GCNT2: variants seen among roughly 807,000 people sequenced by gnomAD.
GCNT2 encodes glucosaminyl (N-acetyl) transferase 2 (I blood group), also known as N-acetyllactosaminide beta-1,6-N-acetylglucosaminyl-transferase.
Under a neutral mutation model 34.2 loss-of-function variants are expected in GCNT2, and 34 were observed. That is an observed-to-expected ratio of 1.00 (90% CI 0.76 to 1.32). GCNT2 has a LOEUF of 1.32. GCNT2 is among the 40% of genes most tolerant of loss of function. GCNT2 has a pLI of 0.00. For missense variants in GCNT2, 584 were observed against 489.4 expected (o/e 1.19, Z -1.82); for synonymous variants, 212 against 188.0 (o/e 1.13, Z -1.04).
At chr6:10,573,364 C>T (rs2127398917) in intron 3 of GCNT2, 5 of 349,764 alleles carry the variant, frequency 1.4e-5, no homozygotes, top group Non-Finnish European at 1.8e-5. Context: ...TTGTTGTTAT[C>T]TTTGCTTGGG....
At chr6:10,587,679 G>T (rs1764419080) in intron 3 of GCNT2, among the ~76,000 whole-genome samples, 1 of 152,198 alleles carries the variant, frequency 6.6e-6, no homozygotes, top group Non-Finnish European at 1.5e-5. Flanking sequence ...TCCAAGGTAT[G>T]CCAGGCAGCT....
chr6:10,618,348 G>T (rs1765884637), intron 3 of GCNT2, among the ~76,000 whole-genome samples: 1 of 152,192 alleles, frequency 6.6e-6, no homozygotes, highest in African/African-American at 2.4e-5. Flanking sequence ...CACGAGGTTA[G>T]TAGGTGTTAT....
chr6:10,584,787 AGGTT>A (rs1455486594), intron 3 of GCNT2, among the ~76,000 whole-genome samples: 3 of 152,308 alleles, frequency 2.0e-5, no homozygotes, highest in South Asian at 2.1e-4. Context: ...TGTGAGCACA[AGGTT>A]GGGACAAAAG....
At chr6:10,537,890 A>G (rs1333071510) in intron 3 of GCNT2, among the ~76,000 whole-genome samples, 3 of 151,908 alleles carry the variant, frequency 2.0e-5, no homozygotes, top group Non-Finnish European at 2.9e-5. Flanking sequence ...AGTGGTGTCT[A>G]TGTCATGTGA....
At chr6:10,612,260 T>G (rs1765591519) in intron 3 of GCNT2, among the ~76,000 whole-genome samples, 1 of 152,224 alleles carries the variant, frequency 6.6e-6, no homozygotes, top group African/African-American at 2.4e-5. Context: ...GTGCTGAGAT[T>G]ACAGGCGTGA....
At chr6:10,579,018 A>T (rs1312707576) in intron 3 of GCNT2, among the ~76,000 whole-genome samples, 1 of 152,166 alleles carries the variant, frequency 6.6e-6, no homozygotes, top group African/African-American at 2.4e-5. Context: ...AAACTATAGG[A>T]ATTCACCACA....
intron 3 of GCNT2, among the ~76,000 whole-genome samples, chr6:10,565,112 G>A (rs1343477266): frequency 6.6e-6 from 1 of 152,208 alleles, no homozygotes; most frequent in African/African-American, 2.4e-5. Context: ...GGATCGCAAA[G>A]GTCGTGGGTG....
intron 3 of GCNT2, among the ~76,000 whole-genome samples, chr6:10,562,984 C>T (rs1248411926): frequency 1.3e-5 from 2 of 152,062 alleles, no homozygotes; most frequent in East Asian, 1.9e-4. Context: ...CATGGTGAAA[C>T]CCTACCTCTA....
At chr6:10,597,753 C>T (rs560950928) in intron 3 of GCNT2, among the ~76,000 whole-genome samples, 1 of 152,248 alleles carries the variant, frequency 6.6e-6, no homozygotes, top group African/African-American at 2.4e-5. Context: ...TGAGCCACCA[C>T]GCCTGGCCAG....
At chr6:10,575,607 G>A (rs899167517) in intron 3 of GCNT2, among the ~76,000 whole-genome samples, 4 of 152,140 alleles carry the variant, frequency 2.6e-5, no homozygotes, top group Non-Finnish European at 4.4e-5. Flanking sequence ...TGACTTGCAC[G>A]TATATGCCCA....
intron 4 of GCNT2, among the ~76,000 whole-genome samples, chr6:10,624,106 C>G (rs1307195485): frequency 6.6e-6 from 1 of 152,160 alleles, no homozygotes; most frequent in Non-Finnish European, 1.5e-5. Context: ...TCAGCTAGGC[C>G]TCCTGGCTAC....
At chr6:10,593,935 C>T (rs1561825824) in intron 3 of GCNT2, among the ~76,000 whole-genome samples, 1 of 152,226 alleles carries the variant, frequency 6.6e-6, no homozygotes, top group Non-Finnish European at 1.5e-5. Flanking sequence ...TACTTGCCAA[C>T]TGTGTGACAC....
intron 3 of GCNT2, among the ~76,000 whole-genome samples, chr6:10,563,204 A>G (rs1763088205): frequency 1.3e-5 from 2 of 152,118 alleles, no homozygotes; most frequent in Admixed American, 1.3e-4. Context: ...TAGAGGGGCA[A>G]GATTTAGTTT....
intron 3 of GCNT2, among the ~76,000 whole-genome samples, chr6:10,554,087 C>T (rs1762592123): frequency 6.6e-6 from 1 of 152,190 alleles, no homozygotes; most frequent in Non-Finnish European, 1.5e-5. Flanking sequence ...TTGTCCTCAG[C>T]TATAGTTAAA....
chr6:10,555,625 C>T (rs1347023097), intron 3 of GCNT2: 1 of 398,994 alleles, frequency 2.5e-6, no homozygotes, highest in Non-Finnish European at 3.4e-6. Context: ...ACAGCCGAAG[C>T]TGGAAGTGAG....
chr6:10,562,668 A>C (rs6935754), intron 3 of GCNT2, among the ~76,000 whole-genome samples: 4,061 of 150,900 alleles, frequency 0.027, 168 homozygotes, highest in African/African-American at 0.094. Context: ...AAAAAAAAAA[A>C]AAAAAAAAAC....
At chr6:10,565,406 A>G (rs924001493) in intron 3 of GCNT2, among the ~76,000 whole-genome samples, 2 of 150,778 alleles carry the variant, frequency 1.3e-5, no homozygotes, top group Non-Finnish European at 3.0e-5. Context: ...GGGAAAGCAG[A>G]TAAGCTGCAA....
At chr6:10,571,004 CTTTA>C (rs1763530665) in intron 3 of GCNT2, among the ~76,000 whole-genome samples, 1 of 152,216 alleles carries the variant, frequency 6.6e-6, no homozygotes, top group Admixed American at 6.5e-5. Flanking sequence ...ACAGCCTCCT[CTTTA>C]TTCTATGCTG....
At chr6:10,602,079 A>T (rs940068280) in intron 3 of GCNT2, among the ~76,000 whole-genome samples, 28 of 152,240 alleles carry the variant, frequency 1.8e-4, no homozygotes, top group Admixed American at 1.8e-3. Context: ...GAAGAGGCCA[A>T]CATTTCTTTG....
Sources: gnomAD v4.1 joint callset for allele counts (sites outside exome capture counted in the v4.1 genomes callset) on GRCh38, gnomAD v4.1.1 for gene constraint, MANE v1.5 for transcripts, NCBI Gene and HGNC (gene_info 2026-07-23, HGNC 2026-07-21) for gene names.